Variants in UBE2K observed in about 807,000 individuals in gnomAD.
UBE2K encodes the protein ubiquitin-conjugating enzyme E2 K.
Under a neutral mutation model 30.0 loss-of-function variants are expected in UBE2K, and 6 were observed. That is an observed-to-expected ratio of 0.20 (90% CI 0.11 to 0.39). The LOEUF (loss-of-function observed/expected upper bound fraction) is 0.39, where lower values mean the gene tolerates loss of function less well. Ranked by LOEUF, UBE2K falls within the 10% of genes least tolerant of loss-of-function variation. UBE2K has a pLI of 1.00. For missense variants in UBE2K, 61 were observed against 241.6 expected, an observed-to-expected ratio of 0.25 and a Z score of 4.96; for synonymous variants, 86 against 83.7, an observed-to-expected ratio of 1.03 and a Z score of -0.15.
chr4:39,705,126 T>C (rs975877478), intron 1 of UBE2K, among the ~76,000 whole-genome samples: 2 of 151,420 alleles, frequency 1.3e-5, no homozygotes, highest in Non-Finnish European at 3.0e-5. Flanking sequence ...CTCGAGCTCC[T>C]GACCTTGTGA....
At chr4:39,722,128 A>T (rs1385980467) in intron 1 of UBE2K, among the ~76,000 whole-genome samples, 2 of 151,988 alleles carry the variant, frequency 1.3e-5, no homozygotes, top group Non-Finnish European at 2.9e-5. Context: ...CAGTTGACTT[A>T]AAAAAAAGTC....
intron 1 of UBE2K, among the ~76,000 whole-genome samples, chr4:39,703,016 CAG>C (rs1718122555): frequency 6.6e-6 from 1 of 151,842 alleles, no homozygotes; most frequent in South Asian, 2.1e-4. Flanking sequence ...TTTTTTGATA[CAG>C]AGTCTTGCTC....
At chr4:39,758,713 G>C (rs994566245) in intron 4 of UBE2K, among the ~76,000 whole-genome samples, 11 of 151,908 alleles carry the variant, frequency 7.2e-5, no homozygotes, top group African/African-American at 2.7e-4. Context: ...AAAGTTTGCA[G>C]ATGAAAACTT....
At chr4:39,723,967 C>T (rs1032133638) in intron 1 of UBE2K, among the ~76,000 whole-genome samples, 2 of 152,106 alleles carry the variant, frequency 1.3e-5, no homozygotes, top group Non-Finnish European at 2.9e-5. Context: ...CACACACCAC[C>T]ACACCCATCT....
chr4:39,771,210 G>A (rs1712798930), intron 4 of UBE2K: 1 of 1,612,520 alleles, frequency 6.2e-7, no homozygotes, highest in Non-Finnish European at 8.5e-7. Context: ...TGCGTGCACT[G>A]TGCATCAGGG....
chr4:39,721,052 G>A (rs975359015), intron 1 of UBE2K, among the ~76,000 whole-genome samples: 2 of 152,012 alleles, frequency 1.3e-5, no homozygotes, highest in African/African-American at 4.8e-5. Flanking sequence ...GCCAACTTCT[G>A]TTTTTCTTTT....
At chr4:39,701,487 C>T (rs1718008189) in intron 1 of UBE2K, among the ~76,000 whole-genome samples, 1 of 152,106 alleles carries the variant, frequency 6.6e-6, no homozygotes, top group Non-Finnish European at 1.5e-5. Flanking sequence ...TGTCCTATTT[C>T]CTAGATGAGA....
At chr4:39,777,547 A>G (rs758385889) in intron 5 of UBE2K, 135 bp from the exon 6 acceptor site, 19 of 829,284 alleles carry the variant, frequency 2.3e-5, no homozygotes, top group Non-Finnish European at 3.3e-5. Context: ...TAGGTTGTCT[A>G]TAATGCAAAG....
intron 2 of UBE2K, among the ~76,000 whole-genome samples, chr4:39,738,823 G>C (rs187000238): frequency 1.3e-5 from 2 of 151,648 alleles, no homozygotes; most frequent in African/African-American, 4.9e-5. Context: ...GATTACAGGC[G>C]CACCACCATG....
chr4:39,722,986 A>G (rs943362013), intron 1 of UBE2K, among the ~76,000 whole-genome samples: 1 of 151,168 alleles, frequency 6.6e-6, no homozygotes, highest in Non-Finnish European at 1.5e-5. Flanking sequence ...GAATTTCACC[A>G]TGTTGGCCAG....
intron 1 of UBE2K, among the ~76,000 whole-genome samples, chr4:39,709,635 A>G (rs1412470370): frequency 6.6e-6 from 1 of 152,084 alleles, no homozygotes; most frequent in African/African-American, 2.4e-5. Flanking sequence ...GGTTTCAAGC[A>G]TCCACTAGGG....
intron 2 of UBE2K, 138 bp from the exon 3 acceptor site, chr4:39,745,614 T>G: frequency 1.6e-6 from 1 of 632,686 alleles, no homozygotes; most frequent in Non-Finnish European, 2.7e-6. Context: ...TTTTGATTAC[T>G]TTCTTTCTGG....
chr4:39,711,660 A>C (rs1718691253), intron 1 of UBE2K, among the ~76,000 whole-genome samples: 1 of 151,954 alleles, frequency 6.6e-6, no homozygotes. Context: ...GTAGATTTGT[A>C]AGACCTGAGC....
At chr4:39,776,313 T>TA (rs1305241595) in intron 5 of UBE2K, among the ~76,000 whole-genome samples, 3 of 152,216 alleles carry the variant, frequency 2.0e-5, no homozygotes, top group African/African-American at 7.2e-5. Context: ...AGGTCACTTT[T>TA]AAAAAATTGT....
chr4:39,770,634 G>T lies in UBE2K; in HGVS notation c.300-4200G>T. On this transcript the variant is annotated intron_variant, in intron 4 of 6. Coordinates refer to ENST00000261427, the MANE Select transcript of UBE2K (RefSeq NM_005339.5). ...CAGGCTCTCCCCTTCTGCGTTCTCC[G>T]ACAGGCTATAGCAGGCCTTCACCAC... 4 of 1,599,522 alleles carry T rather than the reference G, an allele frequency of 2.5e-6. No individual in the cohort carries two copies. In the South Asian group the frequency reaches 3.4e-5, roughly 13 times the overall value.
At chr4:39,768,097 C>T (rs1000176469) in intron 4 of UBE2K, among the ~76,000 whole-genome samples, 2 of 151,984 alleles carry the variant, frequency 1.3e-5, no homozygotes, top group African/African-American at 4.8e-5. Context: ...TGAAATTACT[C>T]AAACTATCAA....
chr4:39,782,688 CA>C lies in UBE2K; in HGVS notation c.*4255del, dbSNP rs1181127847. 6.6e-6 allele frequency: 1 copy of C among 152,140 alleles called. No individual in the cohort carries two copies. The highest frequency in any genetic ancestry group is 1.5e-5 in the Non-Finnish European group (1 of 68,022). The allele number at this position is 152,140 out of a possible 1,614,324, so 9.4% of individuals were successfully genotyped here. On this transcript the variant is annotated 3_prime_UTR_variant, in exon 7 of 7. Coordinates refer to ENST00000261427, the MANE Select transcript of UBE2K (RefSeq NM_005339.5). The stretch of plus-strand genomic sequence containing the variant: ...TTAAAAACTACGAAACACTTTTGTA[CA>C]CAACTGATTTTTTAAAAAATAAACA...
intron 1 of UBE2K, among the ~76,000 whole-genome samples, chr4:39,700,743 A>C (rs928950746): frequency 1.3e-5 from 2 of 151,986 alleles, no homozygotes; most frequent in Non-Finnish European, 2.9e-5. Context: ...GCTTGTGTTT[A>C]CTAAGAACAC....
At chr4:39,732,125 T>A (rs1344062232) in intron 1 of UBE2K, among the ~76,000 whole-genome samples, 1 of 152,222 alleles carries the variant, frequency 6.6e-6, no homozygotes, top group Non-Finnish European at 1.5e-5. Context: ...ATTACAATGA[T>A]AAATTTAGCA....
Sources: allele counts gnomAD v4.1 joint callset (sites outside exome capture counted in the v4.1 genomes callset), GRCh38; gene constraint gnomAD v4.1.1; transcripts MANE v1.5; gene names NCBI Gene and HGNC (gene_info 2026-07-23, HGNC 2026-07-21).